SCN8A: variants seen among roughly 807,000 people sequenced by gnomAD.
The protein encoded by SCN8A is sodium voltage-gated channel alpha subunit 8.
Under a neutral mutation model 184.1 loss-of-function variants are expected in SCN8A, and 30 were observed. The observed-to-expected ratio is 0.16, with a 90% CI of 0.12 to 0.22. SCN8A has a LOEUF of 0.22. Ranked by LOEUF, SCN8A falls within the 10% of genes least tolerant of loss-of-function variation. The pLI is 1.00. For missense variants in SCN8A, 1,057 were observed against 2,498.9 expected, an observed-to-expected ratio of 0.42 and a Z score of 12.30; for synonymous variants, 852 against 907.0, an observed-to-expected ratio of 0.94 and a Z score of 1.09.
intron 21 of SCN8A, among the ~76,000 whole-genome samples, chr12:51,781,670 A>G (rs1366094193): frequency 6.6e-6 from 1 of 152,116 alleles, no homozygotes; most frequent in Non-Finnish European, 1.5e-5. Flanking sequence ...GCGCACACAC[A>G]CACACTAAAA....
chr12:51,614,784 CT>C (rs35444197), intron 1 of SCN8A, among the ~76,000 whole-genome samples: 102 of 142,388 alleles, frequency 7.2e-4, no homozygotes, highest in African/African-American at 1.2e-3. Flanking sequence ...ACTGTATGTT[CT>C]TTTTTTTTTT....
chr12:51,762,699 C>A, intron 15 of SCN8A, 23 bp downstream of exon 15: 1 of 1,545,582 alleles, frequency 6.5e-7, no homozygotes, highest in Non-Finnish European at 8.6e-7. Context: ...TCTCCAATTT[C>A]TTTTAACATT....
Position 51,774,342 on chromosome 12 carries a change from C to T in SCN8A, c.3799C>T (p.Leu1267=). The change falls in exon 20 of 27, where the codon CTG becomes TTG. Residue 1267 remains leucine (L), a synonymous_variant. Transcript: ENST00000627620. ...VKFFTNAWCW[L]DFLIVAVSLV... ...GTTCTTCACCAATGCCTGGTGTTGG[C>T]TGGACTTCCTCATTGTGGCTGTAGG... 1 of 1,611,534 alleles carries T rather than the reference C, an allele frequency of 6.2e-7. No homozygotes were observed. Among genetic ancestry groups the T allele is most frequent in the Admixed American group, 1.7e-5 (1 of 59,888 alleles).
At chr12:51,687,441 G>A (rs1056717556) in intron 5 of SCN8A, among the ~76,000 whole-genome samples, 2 of 152,116 alleles carry the variant, frequency 1.3e-5, no homozygotes, top group African/African-American at 4.8e-5. Context: ...GGCAAGCAGA[G>A]GCTTTACAGC....
intron 26 of SCN8A, among the ~76,000 whole-genome samples, chr12:51,797,143 T>A (rs923831108): frequency 6.6e-6 from 1 of 152,146 alleles, no homozygotes; most frequent in Non-Finnish European, 1.5e-5. Flanking sequence ...CTTGAACCCA[T>A]ACACATCTCC....
intron 1 of SCN8A, among the ~76,000 whole-genome samples, chr12:51,649,451 C>T (rs983810596): frequency 6.6e-6 from 1 of 152,238 alleles, no homozygotes; most frequent in Non-Finnish European, 1.5e-5. Flanking sequence ...AAGCGTCCTG[C>T]CCCACAGCAA....
In SCN8A at chr12:51,706,625, G is replaced by T. The variant is rs779561924; in HGVS notation, c.1545G>T (p.Val515=). ...EGEEKGDPEK[V]FKSESEDGMR... ...AGGAGAAAGGGGATCCCGAGAAGGT[G>T]TTTAAGTCAGAGTCAGAAGATGGCA... Residue 515 remains valine (V), a synonymous_variant, in exon 11 of 27, where the codon GTG becomes GTT. Coordinates refer to ENST00000627620, the MANE Select transcript of SCN8A (RefSeq NM_001330260.2). 5 of 1,608,646 alleles carry T rather than the reference G, an allele frequency of 3.1e-6. No homozygotes were observed. The African/African-American group carries it at 6.7e-5, about 22-fold the overall frequency.
At position 51,634,659 on chromosome 12, in the gene SCN8A, T is replaced by A. The variant is rs550178657; in HGVS notation, c.-54-28105T>A. On this transcript the variant is annotated intron_variant, in intron 1 of 26. Coordinates refer to ENST00000627620, the MANE Select transcript of SCN8A (RefSeq NM_001330260.2). ...TATTATTATTATTATTATTATTATT[T>A]TTTTTTTTTGAGACTGAGTCTTGCT... is the stretch of plus-strand genomic sequence containing the variant. Among the ~76,000 whole-genome samples the A allele has an allele frequency of 2.6e-3, 337 of 128,384 alleles. 1 individual carries two copies. The highest frequency in any genetic ancestry group is 7.6e-3 in the African/African-American group (240 of 31,770). 84.2% of individuals were successfully genotyped at this position (128,384 alleles called of 152,430 possible). A position where few individuals can be genotyped will look rare whatever the true frequency, so the allele number is the denominator to read the frequency against.
chr12:51,772,150 CTGTGGGAGGCCAAGACG>C lies in SCN8A; in HGVS notation c.3645+1470_3645+1486del, dbSNP rs373693364. On this transcript the variant is annotated intron_variant, in intron 19 of 26. Coordinates refer to ENST00000627620, the MANE Select transcript of SCN8A (RefSeq NM_001330260.2). The stretch of plus-strand genomic sequence containing the variant: ...AGTGGCTCACGCCTTAATCCCAGCA[CTGTGGGAGGCCAAGACG>C]TGCGGATCACCTGAGGTTGGGAGTT... 6.7e-3 allele frequency among the ~76,000 whole-genome samples: 1,013 copies of C among 152,328 alleles called. 14 individuals are homozygous for C. The highest frequency in any genetic ancestry group is 0.024 in the African/African-American group (984 of 41,572).
At chr12:51,603,948 T>C (rs1939526546) in intron 1 of SCN8A, among the ~76,000 whole-genome samples, 1 of 152,216 alleles carries the variant, frequency 6.6e-6, no homozygotes, top group Non-Finnish European at 1.5e-5. Context: ...TTTAAAAATG[T>C]TGTTTTTGAG....
At chr12:51,686,049 A>G (rs551709078) in intron 3 of SCN8A, among the ~76,000 whole-genome samples, 19 of 152,342 alleles carry the variant, frequency 1.2e-4, no homozygotes, top group African/African-American at 4.6e-4. Context: ...CTAAGTGCAA[A>G]AAACATTTAG....
chr12:51,662,681 A>T, intron 1 of SCN8A, 83 bp from the exon 2 acceptor site: 1 of 824,534 alleles, frequency 1.2e-6, no homozygotes, highest in Non-Finnish European at 1.9e-6. Flanking sequence ...GTTGTGAATT[A>T]AGGTTGAGAG....
chr12:51,689,146 C>A (rs1301796938), intron 6 of SCN8A, 50 bp downstream of exon 6: 2 of 1,344,338 alleles, frequency 1.5e-6, no homozygotes, highest in Non-Finnish European at 2.1e-6. Flanking sequence ...CCTCTTTCTC[C>A]TCCATTCGTT....
intron 7 of SCN8A, 31 bp downstream of exon 7, chr12:51,699,822 G>A: frequency 6.4e-7 from 1 of 1,567,032 alleles, no homozygotes; most frequent in Middle Eastern, 1.7e-4. Context: ...AAGAGGAATA[G>A]GAAAAGTCTA....
chr12:51,645,210 G>T (rs1261150467), intron 1 of SCN8A, among the ~76,000 whole-genome samples: 1 of 143,614 alleles, frequency 7.0e-6, no homozygotes. Flanking sequence ...AGGTGGGGGG[G>T]TCAGCCCCCC....
rs905694875 is a variant in SCN8A, at chr12:51,667,537, C to G, written c.276+4444C>G. On this transcript the variant is annotated intron_variant, in intron 2 of 26. Coordinates refer to ENST00000627620, the MANE Select transcript of SCN8A (RefSeq NM_001330260.2). ...CTGGCTAATTTTTGTATTTCTCCCACTTTTAAAAGTTTTTCTTGTTTAGTG... is the reference window on the plus strand; with the variant it reads ...CTGGCTAATTTTTGTATTTCTCCCAGTTTTAAAAGTTTTTCTTGTTTAGTG... Among the ~76,000 whole-genome samples, 3 of 151,906 alleles carry G rather than the reference C, an allele frequency of 2.0e-5. 1 individual carries two copies. Among genetic ancestry groups the G allele is most frequent in the Non-Finnish European group, 4.4e-5 (3 of 68,006 alleles).
Position 51,807,066 on chromosome 12 carries a change from G to A in SCN8A, c.5580G>A (p.Gly1860=), listed in dbSNP as rs201484402. ...CCAAGCGGGTCCTGGGAGATAGCGGGGAGTTGGACATCCTGCGGCAGCAGA... is the reference window on the plus strand; with the variant it reads ...CCAAGCGGGTCCTGGGAGATAGCGGAGAGTTGGACATCCTGCGGCAGCAGA... ...AFTKRVLGDS[G]ELDILRQQME... is the part of the protein sequence containing the mutation. Residue 1860 remains glycine (G), a synonymous_variant, in exon 27 of 27, where the codon GGG becomes GGA. Coordinates refer to ENST00000627620, the MANE Select transcript of SCN8A (RefSeq NM_001330260.2). The surrounding 1 kb of genome is among the most constrained non-coding windows in gnomAD (Gnocchi z 4.5). The A allele has an allele frequency of 2.0e-5, 32 of 1,614,026 alleles. No homozygotes were observed. The Admixed American group carries it at 4.8e-4, about 24-fold the overall frequency.
At chr12:51,790,720 C>T (rs145358154) in intron 25 of SCN8A, among the ~76,000 whole-genome samples, 2,896 of 152,196 alleles carry the variant, frequency 0.019, 45 homozygotes, top group Non-Finnish European at 0.027. Context: ...CTGAGCCTTC[C>T]TTGGGCAGCC....
intron 1 of SCN8A, among the ~76,000 whole-genome samples, chr12:51,631,529 C>A (rs894846881): frequency 6.6e-6 from 1 of 152,194 alleles, no homozygotes; most frequent in Non-Finnish European, 1.5e-5. Flanking sequence ...AAGACCACTA[C>A]CTGAAGCAGC....
Sources: gnomAD v4.1 joint callset for allele counts (sites outside exome capture counted in the v4.1 genomes callset) on GRCh38, gnomAD v4.1.1 for gene constraint, Gnocchi (gnomAD v3.1) non-coding constraint, MANE v1.5 for transcripts, NCBI Gene and HGNC (gene_info 2026-07-23, HGNC 2026-07-21) for gene names.